Variants in ZNF254 observed in about 807,000 individuals in gnomAD.
The protein encoded by ZNF254 is zinc finger protein 254, also known as CTD-2017D11.1.
A neutral mutation model predicts 12.4 loss-of-function variants in ZNF254; 10 were observed. The observed-to-expected ratio is 0.80, with a 90% CI of 0.50 to 1.36. ZNF254 has a LOEUF of 1.36. Among genes scored for constraint, ZNF254 ranks in the 40% most tolerant of loss-of-function variants. ZNF254 has a pLI of 0.00. For missense variants in ZNF254, 996 were observed against 763.9 expected (o/e 1.30, Z -3.58); for synonymous variants, 305 against 253.4 (o/e 1.20, Z -1.93).
intron 1 of ZNF254, among the ~76,000 whole-genome samples, chr19:24,039,992 C>T (rs1970099373): frequency 6.6e-6 from 1 of 152,156 alleles, no homozygotes; most frequent in Admixed American, 6.5e-5. Flanking sequence ...AGAGAAGAGG[C>T]TTAAACCATT....
At chr19:24,085,978 G>A (rs570867756), upstream of ZNF254, among the ~76,000 whole-genome samples, 203 of 151,976 alleles carry the variant, frequency 1.3e-3, no homozygotes, top group African/African-American at 4.3e-3. Context: ...AGGCTGAGGC[G>A]GGTGGATTAC....
At chr19:24,078,360 A>G (rs767911428) in intron 2 of ZNF254, 57 of 152,272 alleles carry the variant, frequency 3.7e-4, no homozygotes, top group Middle Eastern at 3.4e-3. Context: ...AGTCTCACCC[A>G]TTATTTCTTT....
chr19:24,080,827 G>A (rs1238617794), intron 2 of ZNF254, among the ~76,000 whole-genome samples: 1 of 146,702 alleles, frequency 6.8e-6, no homozygotes, highest in Admixed American at 7.0e-5. Context: ...GTTGCCTCAT[G>A]CCTGTAATCC....
At chr19:24,088,906 A>G (rs978537693) in intron 1 of ZNF254, among the ~76,000 whole-genome samples, 1 of 149,594 alleles carries the variant, frequency 6.7e-6, no homozygotes, top group South Asian at 2.1e-4. Context: ...ATCCGCCTGC[A>G]TCAGCCTCCC....
chr19:24,068,502 T>G (rs1971361799), intron 2 of ZNF254, among the ~76,000 whole-genome samples: 1 of 152,226 alleles, frequency 6.6e-6, no homozygotes, highest in African/African-American at 2.4e-5. Flanking sequence ...AGTTTCACCA[T>G]GTTGGCCAGG....
chr19:24,118,474 AT>A (rs1240403840), intron 3 of ZNF254, among the ~76,000 whole-genome samples: 1 of 152,072 alleles, frequency 6.6e-6, no homozygotes, highest in Non-Finnish European at 1.5e-5. Flanking sequence ...TAAATTAGAA[AT>A]TTTTTGTGTC....
chr19:24,057,855 C>G (rs989095981), intron 2 of ZNF254, among the ~76,000 whole-genome samples: 2 of 152,198 alleles, frequency 1.3e-5, no homozygotes, highest in Admixed American at 6.5e-5. Context: ...ATTTAACATA[C>G]AGGAGGTGTT....
chr19:24,056,742 G>A (rs1371502432), intron 2 of ZNF254, among the ~76,000 whole-genome samples: 1 of 152,188 alleles, frequency 6.6e-6, no homozygotes, highest in African/African-American at 2.4e-5. Flanking sequence ...TTTGCTCATA[G>A]GGAGCATTGT....
intron 2 of ZNF254, among the ~76,000 whole-genome samples, chr19:24,056,550 G>A (rs577976922): frequency 1.3e-5 from 2 of 152,220 alleles, no homozygotes; most frequent in South Asian, 4.1e-4. Flanking sequence ...ATATTGCTGG[G>A]CCCAGCAACA....
intron 2 of ZNF254, among the ~76,000 whole-genome samples, chr19:24,062,087 C>CA (rs72097158): frequency 0.48 from 55,545 of 114,666 alleles, 12,177 homozygotes; most frequent in Middle Eastern, 0.52. Context: ...CTCTGTCTCA[C>CA]AAAAAAAAAA....
intron 3 of ZNF254, among the ~76,000 whole-genome samples, chr19:24,109,505 C>G (rs1002850202): frequency 7.9e-5 from 12 of 152,030 alleles, no homozygotes; most frequent in African/African-American, 2.9e-4. Flanking sequence ...TGATTTCGTG[C>G]ATTATAATTT....
intron 1 of ZNF254, among the ~76,000 whole-genome samples, chr19:24,041,577 C>T (rs1034238390): frequency 1.5e-4 from 23 of 152,260 alleles, no homozygotes; most frequent in South Asian, 2.1e-4. Flanking sequence ...ACCTGCAGCC[C>T]GCCATGCCTG....
chr19:24,048,165 C>T (rs1970479844), intron 2 of ZNF254, among the ~76,000 whole-genome samples: 1 of 151,894 alleles, frequency 6.6e-6, no homozygotes. Context: ...ATCAGGTGAC[C>T]AGATGTGGGC....
At chr19:24,051,345 A>G (rs1568427564) in intron 2 of ZNF254, among the ~76,000 whole-genome samples, 1 of 151,868 alleles carries the variant, frequency 6.6e-6, no homozygotes, top group East Asian at 2.0e-4. Flanking sequence ...TTTTTAGTAG[A>G]GATGAAGTTT....
At chr19:24,124,628 A>T (rs1974704496) in intron 3 of ZNF254, among the ~76,000 whole-genome samples, 1 of 151,940 alleles carries the variant, frequency 6.6e-6, no homozygotes, top group Non-Finnish European at 1.5e-5. Context: ...TATTATTCTC[A>T]ATTAATTAAA....
intron 1 of ZNF254, among the ~76,000 whole-genome samples, chr19:24,040,366 T>C (rs1970111469): frequency 6.6e-6 from 1 of 152,204 alleles, no homozygotes. Context: ...TTAATGTCTT[T>C]CTTTCTCAAT....
At chr19:24,105,342 A>G (rs968503656) in intron 1 of ZNF254, 9 of 203,974 alleles carry the variant, frequency 4.4e-5, no homozygotes, top group Non-Finnish European at 6.8e-5. Context: ...CTTTGTTTAC[A>G]GGCTAGAAAA....
chr19:24,102,675 G>A (rs181773132), intron 1 of ZNF254, among the ~76,000 whole-genome samples: 1 of 152,168 alleles, frequency 6.6e-6, no homozygotes, highest in East Asian at 1.9e-4. Flanking sequence ...AAAATAACAT[G>A]TATTATAGGG....
chr19:24,097,387 T>C (rs1245425406), intron 1 of ZNF254, among the ~76,000 whole-genome samples: 25 of 151,796 alleles, frequency 1.6e-4, no homozygotes, highest in Admixed American at 1.6e-3. Flanking sequence ...GCAGGCTGAA[T>C]TATAAAGATT....
Sources: allele counts gnomAD v4.1 joint callset (sites outside exome capture counted in the v4.1 genomes callset), GRCh38; gene constraint gnomAD v4.1.1; transcripts MANE v1.5; gene names NCBI Gene and HGNC (gene_info 2026-07-23, HGNC 2026-07-21).